The following MAML2 variants were observed in gnomAD, a reference collection of about 807,000 sequenced individuals.
The protein encoded by MAML2 is mastermind like transcriptional coactivator 2.
A neutral mutation model predicts 96.1 loss-of-function variants in MAML2; 22 were observed. That is an observed-to-expected ratio of 0.23 (90% CI 0.16 to 0.33). MAML2 has a LOEUF of 0.33. Ranked by LOEUF, MAML2 falls within the 10% of genes least tolerant of loss-of-function variation. The pLI, the probability that MAML2 is intolerant of heterozygous loss-of-function variation, is 1.00. For missense variants in MAML2, 1,367 were observed against 1,392.4 expected, an observed-to-expected ratio of 0.98 and a Z score of 0.29; for synonymous variants, 561 against 521.3, an observed-to-expected ratio of 1.08 and a Z score of -1.04.
intron 1 of MAML2, among the ~76,000 whole-genome samples, chr11:96,169,553 G>A (rs1448024448): frequency 6.6e-6 from 1 of 152,230 alleles, no homozygotes; most frequent in Non-Finnish European, 1.5e-5. Flanking sequence ...ACTAGCAATA[G>A]TGAGTTCATG....
At position 96,313,403 on chromosome 11, in the gene MAML2, C is replaced by A. The variant is rs374029835; in HGVS notation, c.513+27980G>T. 3.9e-5 allele frequency among the ~76,000 whole-genome samples: 6 copies of A among 152,286 alleles called. No homozygotes were observed. The South Asian group carries it at 6.2e-4, about 16-fold the overall frequency. On this transcript the variant is annotated intron_variant, in intron 1 of 4. Transcript: ENST00000524717. ...CTGAGGCTCACTGGAATTTCGGAAC[C>A]TTTGCTCTAGCCACTGCCTCATTGC... is the stretch of plus-strand genomic sequence containing the variant.
intron 1 of MAML2, among the ~76,000 whole-genome samples, chr11:96,213,247 C>G (rs902109448): frequency 6.6e-6 from 1 of 152,160 alleles, no homozygotes; most frequent in Admixed American, 6.5e-5. Context: ...AGCATTCTTC[C>G]TATTTTAAAA....
At chr11:96,236,044 G>A (rs1266009497) in intron 1 of MAML2, among the ~76,000 whole-genome samples, 1 of 152,324 alleles carries the variant, frequency 6.6e-6, no homozygotes, top group South Asian at 2.1e-4. Context: ...GTCGCTCTGG[G>A]ACCCTGAGGG....
In MAML2 at chr11:96,177,463, T is replaced by C. The variant is rs1187644131; in HGVS notation, c.514-83946A>G. Among the ~76,000 whole-genome samples the C allele has an allele frequency of 3.9e-5, 6 of 152,178 alleles. No individual in the cohort carries two copies. The South Asian group carries it at 8.3e-4, about 21-fold the overall frequency. ...GAGGTAGGTTTTATCCAAAATAGCATAGGAGTACTTGCAGACAACCGTCCA... is the reference window on the plus strand; with the variant it reads ...GAGGTAGGTTTTATCCAAAATAGCACAGGAGTACTTGCAGACAACCGTCCA... On this transcript the variant is annotated intron_variant, in intron 1 of 4. Coordinates refer to ENST00000524717, the MANE Select transcript of MAML2 (RefSeq NM_032427.4).
intron 1 of MAML2, among the ~76,000 whole-genome samples, chr11:96,106,133 C>G (rs896831851): frequency 5.3e-5 from 8 of 152,160 alleles, no homozygotes; most frequent in African/African-American, 1.9e-4. Flanking sequence ...TGTCCTATAG[C>G]AATACAATGC....
At chr11:96,337,448 T>G (rs568935556) in intron 1 of MAML2, among the ~76,000 whole-genome samples, 4 of 152,326 alleles carry the variant, frequency 2.6e-5, no homozygotes, top group South Asian at 2.1e-4. Flanking sequence ...AATATTTAAC[T>G]CTCCCATGCA....
intron 1 of MAML2, among the ~76,000 whole-genome samples, chr11:96,202,900 T>C (rs1374265598): frequency 6.6e-6 from 1 of 152,194 alleles, no homozygotes; most frequent in Non-Finnish European, 1.5e-5. Context: ...AGTGCTCAGA[T>C]TACAGGTATG....
chr11:96,004,415 C>G (rs1858144753), intron 2 of MAML2, among the ~76,000 whole-genome samples: 1 of 151,388 alleles, frequency 6.6e-6, no homozygotes, highest in Admixed American at 6.6e-5. Context: ...TTCTTATACT[C>G]TATAAAACAT....
chr11:96,063,643 G>A (rs1419238193), intron 2 of MAML2, among the ~76,000 whole-genome samples: 2 of 152,188 alleles, frequency 1.3e-5, no homozygotes, highest in African/African-American at 4.8e-5. Flanking sequence ...TAGAGAGGTT[G>A]CTAATTGCCC....
intron 1 of MAML2, among the ~76,000 whole-genome samples, chr11:96,102,396 A>T (rs1366004004): frequency 6.6e-6 from 1 of 152,234 alleles, no homozygotes; most frequent in Non-Finnish European, 1.5e-5. Flanking sequence ...GAAAAATAGT[A>T]ATACAGTATG....
intron 2 of MAML2, among the ~76,000 whole-genome samples, chr11:96,011,982 G>A (rs531894802): frequency 1.7e-4 from 26 of 152,018 alleles, no homozygotes; most frequent in Admixed American, 1.2e-3. Context: ...TGTGTTGAAG[G>A]GTTTTTATTC....
At chr11:95,994,096 A>G (rs748836542) in intron 2 of MAML2, among the ~76,000 whole-genome samples, 1 of 152,158 alleles carries the variant, frequency 6.6e-6, no homozygotes, top group Non-Finnish European at 1.5e-5. Flanking sequence ...GAGAAGAAAG[A>G]TTTTTGTACT....
chr11:96,168,024 C>A (rs746174406), intron 1 of MAML2, among the ~76,000 whole-genome samples: 12 of 152,156 alleles, frequency 7.9e-5, no homozygotes, highest in Non-Finnish European at 1.8e-4. Context: ...ATAACCAAGT[C>A]TTATTCCTCT....
chr11:96,147,135 A>G (rs111766737), intron 1 of MAML2, among the ~76,000 whole-genome samples: 80 of 152,350 alleles, frequency 5.3e-4, no homozygotes, highest in Middle Eastern at 3.4e-3. Context: ...AATTTGTAAT[A>G]AGTAATTATA....
intron 2 of MAML2, among the ~76,000 whole-genome samples, chr11:96,076,430 TCTCACACACACACACACACACACACA>T (rs1859438684): frequency 7.3e-6 from 1 of 136,444 alleles, no homozygotes; most frequent in Admixed American, 7.0e-5. Flanking sequence ...TCTCTCTCTC[TCTCACACACACACACACACACACACA>T]CACACACACA....
intron 1 of MAML2, among the ~76,000 whole-genome samples, chr11:96,292,689 A>G (rs1439131931): frequency 6.6e-6 from 1 of 152,236 alleles, no homozygotes; most frequent in Non-Finnish European, 1.5e-5. Context: ...ATACTGTAAG[A>G]CTAGCTTATT....
At chr11:96,314,147 A>G (rs1863594608) in intron 1 of MAML2, among the ~76,000 whole-genome samples, 1 of 152,240 alleles carries the variant, frequency 6.6e-6, no homozygotes. Flanking sequence ...AGGTCTCCTA[A>G]GGCTAGTTCT....
Position 96,308,306 on chromosome 11 carries a change from T to C in MAML2, c.513+33077A>G, listed in dbSNP as rs116266888. 6.4e-3 allele frequency among the ~76,000 whole-genome samples: 979 copies of C among 152,322 alleles called. 18 individuals carry two copies. Among genetic ancestry groups the C allele is most frequent in the African/African-American group, 0.022 (918 of 41,562 alleles). On this transcript the variant is annotated intron_variant, in intron 1 of 4. Transcript: ENST00000524717. ...AGGAAAAAAAAATCCAGTGATTTAC[T>C]AAACAATAGTAGAATTCTGAAATAT...
chr11:95,993,254 A>T (rs1175723582), intron 2 of MAML2, among the ~76,000 whole-genome samples: 1 of 151,906 alleles, frequency 6.6e-6, no homozygotes, highest in Admixed American at 6.6e-5. Context: ...TAAACTATGT[A>T]AGGTTACAAG....
Sources: gnomAD v4.1 joint callset for allele counts (sites outside exome capture counted in the v4.1 genomes callset) on GRCh38, gnomAD v4.1.1 for gene constraint, MANE v1.5 for transcripts, NCBI Gene and HGNC (gene_info 2026-07-23, HGNC 2026-07-21) for gene names.